The following LRRC4C variants were observed in gnomAD, a reference collection of about 807,000 sequenced individuals.
LRRC4C encodes the protein leucine rich repeat containing 4C.
In LRRC4C, 5 loss-of-function variants were observed where a neutral mutation model predicts 33.6. The observed-to-expected ratio is 0.15, with a 90% CI of 0.08 to 0.31. LRRC4C has a LOEUF of 0.31. LRRC4C is among the 10% of genes least tolerant of loss of function. LRRC4C has a pLI of 1.00. For missense variants in LRRC4C, 560 were observed against 796.7 expected (o/e 0.70, Z 3.58); for synonymous variants, 329 against 302.0 (o/e 1.09, Z -0.93).
intron 3 of LRRC4C, among the ~76,000 whole-genome samples, chr11:40,514,159 C>T (rs148068049): frequency 1.3e-5 from 2 of 152,232 alleles, no homozygotes; most frequent in East Asian, 3.9e-4. Context: ...GGGTTCAAAC[C>T]CTTGTTTGGT....
At position 40,596,297 on chromosome 11, in the gene LRRC4C, C is replaced by CT. The variant is rs1165997598; in HGVS notation, c.-270+51844dup. 3.3e-5 allele frequency among the ~76,000 whole-genome samples: 5 copies of CT among 152,138 alleles called. No homozygotes were observed. The East Asian group carries it at 9.7e-4, about 29-fold the overall frequency. On this transcript the variant is annotated intron_variant, in intron 3 of 6. Coordinates refer to ENST00000528697, the MANE Select transcript of LRRC4C (RefSeq NM_001258419.2). ...TTAAAAAACATATAAACCCAATAGT[C>CT]TTTTTTCTCTTTTATATTATTATGG...
At chr11:41,304,860 G>C (rs1950433338) in intron 1 of LRRC4C, among the ~76,000 whole-genome samples, 3 of 116,092 alleles carry the variant, frequency 2.6e-5, no homozygotes, top group African/African-American at 6.7e-5. Flanking sequence ...CCATCCGGGA[G>C]GGAGGTGGGG....
At chr11:40,849,568 AT>A (rs369965113) in intron 2 of LRRC4C, among the ~76,000 whole-genome samples, 50 of 151,560 alleles carry the variant, frequency 3.3e-4, no homozygotes, top group African/African-American at 8.7e-4. Context: ...TGCCCTTAAC[AT>A]TTTTTTTCCC....
intron 1 of LRRC4C, among the ~76,000 whole-genome samples, chr11:40,965,411 G>A (rs1156580797): frequency 1.3e-5 from 2 of 152,104 alleles, no homozygotes; most frequent in Admixed American, 6.6e-5. Flanking sequence ...TGTTGCCATT[G>A]CTTTTGGTGT....
chr11:40,392,628 G>T (rs899481585), intron 3 of LRRC4C, among the ~76,000 whole-genome samples: 2 of 151,996 alleles, frequency 1.3e-5, no homozygotes, highest in Non-Finnish European at 1.5e-5. Context: ...TCTGATAGCT[G>T]TCATCACAAA....
intron 2 of LRRC4C, among the ~76,000 whole-genome samples, chr11:40,719,640 G>A (rs1317872182): frequency 6.6e-6 from 1 of 152,128 alleles, no homozygotes; most frequent in African/African-American, 2.4e-5. Flanking sequence ...GCAAAATTAT[G>A]TTTGTCTATG....
chr11:40,329,737 C>CTTTTTTTTTTTTTTTT (rs199598860), intron 3 of LRRC4C, among the ~76,000 whole-genome samples: 2 of 120,414 alleles, frequency 1.7e-5, no homozygotes, highest in African/African-American at 6.3e-5. Context: ...CTTTCTTTTT[C>CTTTTTTTTTTTTTTTT]TTTTTTTTTT....
chr11:40,988,929 C>T (rs1485349634), intron 1 of LRRC4C, among the ~76,000 whole-genome samples: 1 of 151,864 alleles, frequency 6.6e-6, no homozygotes, highest in African/African-American at 2.4e-5. Context: ...ACCGTGTTAG[C>T]CAGGATGGTC....
At chr11:40,824,635 C>T (rs1364209284) in intron 2 of LRRC4C, among the ~76,000 whole-genome samples, 2 of 151,864 alleles carry the variant, frequency 1.3e-5, no homozygotes, top group African/African-American at 2.4e-5. Flanking sequence ...ATTCATCATG[C>T]TAATAGTCTT....
At chr11:41,098,720 C>A (rs1248722488) in intron 1 of LRRC4C, among the ~76,000 whole-genome samples, 1 of 151,972 alleles carries the variant, frequency 6.6e-6, no homozygotes, top group Non-Finnish European at 1.5e-5. Flanking sequence ...ATGAAACATA[C>A]AAAGCTTTTC....
chr11:40,451,261 G>C (rs1380462681), intron 3 of LRRC4C, among the ~76,000 whole-genome samples: 1 of 148,008 alleles, frequency 6.8e-6, no homozygotes, highest in East Asian at 2.0e-4. Flanking sequence ...GAAAAAAATT[G>C]ATAAGCCTTT....
intron 3 of LRRC4C, among the ~76,000 whole-genome samples, chr11:40,584,177 C>CATATATATATATAT (rs371413523): frequency 0.016 from 1,171 of 71,188 alleles, 100 homozygotes; most frequent in East Asian, 0.036. Context: ...ACGCACACTT[C>CATATATATATATAT]ATATATATAT....
At chr11:41,274,808 G>A (rs1949430479) in intron 1 of LRRC4C, among the ~76,000 whole-genome samples, 1 of 152,060 alleles carries the variant, frequency 6.6e-6, no homozygotes, top group African/African-American at 2.4e-5. Context: ...CACTGCGAAG[G>A]TCTGTGGCTT....
At chr11:41,193,604 G>C (rs1565468217) in intron 1 of LRRC4C, among the ~76,000 whole-genome samples, 1 of 152,136 alleles carries the variant, frequency 6.6e-6, no homozygotes, top group African/African-American at 2.4e-5. Flanking sequence ...TGAAATGAGT[G>C]AAGGGTATCA....
intron 5 of LRRC4C, among the ~76,000 whole-genome samples, chr11:40,164,346 T>A (rs1859407969): frequency 1.3e-5 from 2 of 152,172 alleles, no homozygotes; most frequent in Admixed American, 1.3e-4. Flanking sequence ...GTTCAAGTGA[T>A]TCTCCTGCCT....
rs531807692 is a variant in LRRC4C, at chr11:40,583,835, A to G, written c.-270+64307T>C. Among the ~76,000 whole-genome samples the G allele has an allele frequency of 8.6e-5, 13 of 151,942 alleles. 1 individual carries two copies. The South Asian group carries it at 2.7e-3, about 31-fold the overall frequency. ...CTAGTAAGTAGGTACTCAGTGATGC[A>G]TAATAATGAATATGCAAGCAGGACG... is the stretch of plus-strand genomic sequence containing the variant. On this transcript the variant is annotated intron_variant, in intron 3 of 6. Coordinates refer to ENST00000528697, the MANE Select transcript of LRRC4C (RefSeq NM_001258419.2).
At chr11:41,067,782 GAAC>G (rs1938364776) in intron 1 of LRRC4C, among the ~76,000 whole-genome samples, 1 of 152,170 alleles carries the variant, frequency 6.6e-6, no homozygotes, top group Non-Finnish European at 1.5e-5. Context: ...CGTGGAAATT[GAAC>G]AACTTGCTCC....
At chr11:41,073,745 G>A (rs544072583) in intron 1 of LRRC4C, among the ~76,000 whole-genome samples, 2 of 152,256 alleles carry the variant, frequency 1.3e-5, no homozygotes, top group African/African-American at 4.8e-5. Context: ...ATTGACTGTT[G>A]TCTTGTAGAT....
intron 3 of LRRC4C, among the ~76,000 whole-genome samples, chr11:40,603,952 T>C (rs1960294267): frequency 6.6e-6 from 1 of 152,182 alleles, no homozygotes; most frequent in Admixed American, 6.5e-5. Flanking sequence ...CTAAAAGTTG[T>C]ATGTAATTCT....
Sources: allele counts gnomAD v4.1 joint callset (sites outside exome capture counted in the v4.1 genomes callset), GRCh38; gene constraint gnomAD v4.1.1; transcripts MANE v1.5; gene names NCBI Gene and HGNC (gene_info 2026-07-23, HGNC 2026-07-21).